The following RAPGEF5 variants were observed in gnomAD, a reference collection of about 807,000 sequenced individuals.
The protein encoded by RAPGEF5 is M-Ras-regulated GEF.
A neutral mutation model predicts 125.2 loss-of-function variants in RAPGEF5; 65 were observed. The observed-to-expected ratio is 0.52, with a 90% CI of 0.43 to 0.64. The LOEUF is 0.64. Among genes scored for constraint, RAPGEF5 ranks in the 30% least tolerant of loss-of-function variants. RAPGEF5 has a pLI of 0.00. For synonymous variants in RAPGEF5, 391 were observed against 385.9 expected (o/e 1.01, Z -0.16); for missense variants, 958 against 1,048.1 (o/e 0.91, Z 1.19).
At chr7:22,302,732 A>G (rs1264691003) in intron 5 of RAPGEF5, among the ~76,000 whole-genome samples, 2 of 151,764 alleles carry the variant, frequency 1.3e-5, no homozygotes, top group African/African-American at 4.8e-5. Flanking sequence ...AAATTCCTGT[A>G]TTAGAATAAC....
At chr7:22,247,867 G>A (rs1165424459) in intron 7 of RAPGEF5, among the ~76,000 whole-genome samples, 4 of 152,042 alleles carry the variant, frequency 2.6e-5, no homozygotes, top group African/African-American at 7.2e-5. Flanking sequence ...GTGAATTAAC[G>A]CAGGAACAGA....
intron 1 of RAPGEF5, among the ~76,000 whole-genome samples, chr7:22,329,131 A>C (rs1783865948): frequency 6.6e-6 from 1 of 152,192 alleles, no homozygotes; most frequent in Non-Finnish European, 1.5e-5. Flanking sequence ...CTCAATTTTT[A>C]ATTTTAATCA....
At chr7:22,224,084 A>C (rs1785855817) in intron 8 of RAPGEF5, among the ~76,000 whole-genome samples, 1 of 152,200 alleles carries the variant, frequency 6.6e-6, no homozygotes, top group Non-Finnish European at 1.5e-5. Flanking sequence ...TCATGGCCTA[A>C]GAGAAGGGGA....
intron 7 of RAPGEF5, among the ~76,000 whole-genome samples, chr7:22,237,090 C>T (rs926635218): frequency 3.9e-5 from 6 of 152,192 alleles, no homozygotes; most frequent in Non-Finnish European, 2.9e-5. Context: ...TCTTGTCCAC[C>T]GGGCTCCCCA....
intron 1 of RAPGEF5, among the ~76,000 whole-genome samples, chr7:22,353,993 C>T (rs1421297153): frequency 1.3e-5 from 2 of 152,062 alleles, no homozygotes; most frequent in African/African-American, 4.8e-5. Flanking sequence ...ACCGCTTGAG[C>T]CAGAAGGTCG....
In RAPGEF5 at chr7:22,168,695, T is replaced by C. The variant is rs188011642; in HGVS notation, c.1205-1547A>G. Among the ~76,000 whole-genome samples the C allele has an allele frequency of 1.9e-3, 292 of 152,352 alleles. 1 individual carries two copies. The highest frequency in any genetic ancestry group is 6.7e-3 in the African/African-American group (277 of 41,578). On this transcript the variant is annotated intron_variant, in intron 11 of 25. Transcript: ENST00000665637. ...TATTTATGAACACAAAACTCTGATA[T>C]ACGAGGTTGTGGATGACATCTACAG...
In RAPGEF5 at chr7:22,203,614, T is replaced by C. The variant is rs1303445015; in HGVS notation, c.997-9581A>G. On this transcript the variant is annotated intron_variant, in intron 9 of 25. Coordinates refer to ENST00000665637, the MANE Select transcript of RAPGEF5 (RefSeq NM_012294.5). ...TTTCTGCTGCTCCTTGTTCCAGATATGGTGGTTATTTCCTTCTGCAGAGAC... is the reference window on the plus strand; with the variant it reads ...TTTCTGCTGCTCCTTGTTCCAGATACGGTGGTTATTTCCTTCTGCAGAGAC... Among the ~76,000 whole-genome samples the C allele has an allele frequency of 2.0e-5, 3 of 152,348 alleles. No individual in the cohort carries two copies. In the East Asian group the frequency reaches 5.8e-4, roughly 29 times the overall value.
rs537482782 is a variant in RAPGEF5, at chr7:22,135,569, AAC to A, written c.2416+467_2416+468del. Among the ~76,000 whole-genome samples the A allele has an allele frequency of 1.9e-3, 282 of 152,348 alleles. 2 individuals carry two copies. Among genetic ancestry groups the A allele is most frequent in the Middle Eastern group, 3.4e-3 (1 of 294 alleles). The stretch of plus-strand genomic sequence containing the variant: ...AAGAAAGGAAGTACACTTCTCCATC[AAC>A]ACTTTTCGAAAGCTATATTACTTGT... On this transcript the variant is annotated intron_variant, in intron 23 of 25. Transcript: ENST00000665637.
intron 1 of RAPGEF5, among the ~76,000 whole-genome samples, chr7:22,338,453 T>G (rs1353916348): frequency 1.3e-5 from 2 of 152,248 alleles, no homozygotes; most frequent in African/African-American, 2.4e-5. Flanking sequence ...TTGTAAAATT[T>G]TATAAAACTA....
intron 6 of RAPGEF5, among the ~76,000 whole-genome samples, chr7:22,285,296 A>T (rs1235564308): frequency 6.6e-6 from 1 of 152,234 alleles, no homozygotes; most frequent in Non-Finnish European, 1.5e-5. Flanking sequence ...TCGTTACATC[A>T]GACCATCATG....
chr7:22,254,184 A>C (rs537032436), intron 7 of RAPGEF5, among the ~76,000 whole-genome samples: 1 of 152,266 alleles, frequency 6.6e-6, no homozygotes, highest in South Asian at 2.1e-4. Flanking sequence ...GACTGCTCCC[A>C]ATATTACATA....
intron 11 of RAPGEF5, chr7:22,191,689 A>G (rs771387711): frequency 3.4e-5 from 16 of 470,392 alleles, no homozygotes; most frequent in Non-Finnish European, 6.6e-5. Flanking sequence ...GCAAACCACT[A>G]TATTTCCCAA....
intron 8 of RAPGEF5, among the ~76,000 whole-genome samples, chr7:22,223,931 T>G (rs185602876): frequency 1.2e-4 from 19 of 152,294 alleles, no homozygotes; most frequent in Admixed American, 1.1e-3. Context: ...GGCCAGACAA[T>G]AAATATTCTA....
chr7:22,351,601 A>T (rs1784331204), intron 1 of RAPGEF5, among the ~76,000 whole-genome samples: 1 of 152,076 alleles, frequency 6.6e-6, no homozygotes, highest in Non-Finnish European at 1.5e-5. Flanking sequence ...GCAGCATCTA[A>T]CTCATAGGCT....
chr7:22,211,075 G>C (rs1285436799), intron 9 of RAPGEF5, among the ~76,000 whole-genome samples: 1 of 152,036 alleles, frequency 6.6e-6, no homozygotes, highest in Non-Finnish European at 1.5e-5. Flanking sequence ...CCCACAGTCT[G>C]TTATGTTCTG....
chr7:22,162,669 C>G (rs747295205), intron 12 of RAPGEF5, 128 bp from the exon 13 acceptor site: 5 of 944,368 alleles, frequency 5.3e-6, no homozygotes, highest in Non-Finnish European at 8.0e-6. Flanking sequence ...ATAGAATATG[C>G]GTAGGGAGAG....
At chr7:22,149,934 T>C (rs1783565418) in intron 18 of RAPGEF5, among the ~76,000 whole-genome samples, 1 of 29,496 alleles carries the variant, frequency 3.4e-5, no homozygotes, top group Non-Finnish European at 6.7e-5. Context: ...ACTGAATTGC[T>C]CAACCCCTTT....
At chr7:22,175,238 C>A (rs1290857538) in intron 11 of RAPGEF5, among the ~76,000 whole-genome samples, 2 of 152,130 alleles carry the variant, frequency 1.3e-5, no homozygotes, top group African/African-American at 4.8e-5. Context: ...TCAAAGAGCA[C>A]TGGATTTGTT....
chr7:22,216,741 G>A (rs1346437790), intron 9 of RAPGEF5, among the ~76,000 whole-genome samples: 1 of 152,148 alleles, frequency 6.6e-6, no homozygotes, highest in Non-Finnish European at 1.5e-5. Context: ...TGCTCATTGT[G>A]CCTACAGCTA....
Sources: gnomAD v4.1 joint callset for allele counts (sites outside exome capture counted in the v4.1 genomes callset) on GRCh38, gnomAD v4.1.1 for gene constraint, MANE v1.5 for transcripts, NCBI Gene and HGNC (gene_info 2026-07-23, HGNC 2026-07-21) for gene names.